Variants in FNDC3B observed in about 807,000 individuals in gnomAD.
FNDC3B encodes the protein fibronectin type III domain-containing protein 3B.
FNDC3B carries 12 observed loss-of-function variants against 151.5 expected under a neutral mutation model. That is an observed-to-expected ratio of 0.08 (90% confidence interval 0.05 to 0.13). The LOEUF is 0.13. Ranked by LOEUF, FNDC3B falls within the 10% of genes least tolerant of loss-of-function variation. The pLI is 1.00. For missense variants in FNDC3B, 1,214 were observed against 1,505.3 expected (o/e 0.81, Z 3.20); for synonymous variants, 528 against 549.0 (o/e 0.96, Z 0.54).
intron 1 of FNDC3B, among the ~76,000 whole-genome samples, chr3:172,111,096 TAA>T (rs1240844592): frequency 4.5e-4 from 47 of 104,704 alleles, no homozygotes; most frequent in Admixed American, 8.3e-4. Flanking sequence ...GAGACTCCAT[TAA>T]AAAAAAAAAA....
At chr3:172,205,780 A>G (rs193257547) in intron 3 of FNDC3B, among the ~76,000 whole-genome samples, 66 of 152,344 alleles carry the variant, frequency 4.3e-4, no homozygotes, top group Admixed American at 3.5e-3. Context: ...CTGTAGGTAA[A>G]GAAGTTTGCT....
At chr3:172,177,496 T>C (rs1015559003) in intron 3 of FNDC3B, among the ~76,000 whole-genome samples, 1 of 152,198 alleles carries the variant, frequency 6.6e-6, no homozygotes, top group African/African-American at 2.4e-5. Flanking sequence ...GAAGGGATTC[T>C]CAAACATCTG....
intron 3 of FNDC3B, among the ~76,000 whole-genome samples, chr3:172,217,299 A>G (rs150902418): frequency 0.014 from 2,089 of 152,344 alleles, 20 homozygotes; most frequent in Non-Finnish European, 0.022. Context: ...GCATTTCTGT[A>G]GCCCTGAATT....
At chr3:172,060,502 AT>A (rs1309743886) in intron 1 of FNDC3B, among the ~76,000 whole-genome samples, 2 of 152,234 alleles carry the variant, frequency 1.3e-5, no homozygotes, top group East Asian at 3.8e-4. Context: ...GACCTAGAAG[AT>A]TGTAGGAACA....
intron 3 of FNDC3B, among the ~76,000 whole-genome samples, chr3:172,212,477 G>C (rs1013556705): frequency 2.6e-5 from 4 of 152,206 alleles, no homozygotes; most frequent in Non-Finnish European, 4.4e-5. Context: ...AAGTTGGGCT[G>C]CTTGTGGGGA....
intron 3 of FNDC3B, among the ~76,000 whole-genome samples, chr3:172,215,090 A>G (rs1226442175): frequency 6.6e-6 from 1 of 152,278 alleles, no homozygotes; most frequent in East Asian, 1.9e-4. Flanking sequence ...GAGGAGTACA[A>G]TGACATTTTG....
intron 3 of FNDC3B, among the ~76,000 whole-genome samples, chr3:172,201,268 G>T: frequency 6.6e-6 from 1 of 152,142 alleles, no homozygotes; most frequent in Non-Finnish European, 1.5e-5. Context: ...GCCCCAGTGG[G>T]GGAAGCGCAG....
chr3:172,393,985 G>T (rs1736144572), intron 25 of FNDC3B, among the ~76,000 whole-genome samples: 1 of 151,386 alleles, frequency 6.6e-6, no homozygotes. Context: ...ACGGGTGCCT[G>T]TAGTCCCAGG....
At chr3:172,089,925 GA>G (rs1718727204) in intron 1 of FNDC3B, among the ~76,000 whole-genome samples, 1 of 152,124 alleles carries the variant, frequency 6.6e-6, no homozygotes, top group African/African-American at 2.4e-5. Flanking sequence ...TGACAAATAT[GA>G]TTTCGACATA....
At chr3:172,085,724 A>C (rs1718520123) in intron 1 of FNDC3B, among the ~76,000 whole-genome samples, 1 of 152,208 alleles carries the variant, frequency 6.6e-6, no homozygotes. Context: ...TGCTGATGGT[A>C]TGCAGAAGAG....
intron 6 of FNDC3B, among the ~76,000 whole-genome samples, chr3:172,260,915 C>T (rs1728614815): frequency 6.6e-6 from 1 of 152,194 alleles, no homozygotes; most frequent in Non-Finnish European, 1.5e-5. Context: ...ATTAACCACT[C>T]TAAGTTACTT....
At chr3:172,088,243 A>G (rs533632165) in intron 1 of FNDC3B, among the ~76,000 whole-genome samples, 1 of 152,258 alleles carries the variant, frequency 6.6e-6, no homozygotes, top group Non-Finnish European at 1.5e-5. Flanking sequence ...TAAATTAGCA[A>G]AACCGCTGTA....
chr3:172,369,644 G>A, intron 23 of FNDC3B, among the ~76,000 whole-genome samples: 1 of 152,080 alleles, frequency 6.6e-6, no homozygotes, highest in East Asian at 1.9e-4. Flanking sequence ...GGGACAGAGG[G>A]TTAGGAAATT....
At position 172,251,245 on chromosome 3, in the gene FNDC3B, A is replaced by C; in HGVS notation, c.509-15A>C. The C allele has an allele frequency of 2.5e-6, 4 of 1,587,636 alleles. No homozygotes were observed. The highest frequency in any genetic ancestry group is 3.5e-6 in the Non-Finnish European group (4 of 1,159,020). ...TGTAAACTGAGTTTGGGTTTATCAT[A>C]ATCATCCATTTTAGAAATTATACCA... On this transcript the variant is annotated splice_polypyrimidine_tract_variant and intron_variant, in intron 5 of 25. Coordinates refer to ENST00000415807, the MANE Select transcript of FNDC3B (RefSeq NM_022763.4).
At chr3:172,342,317 G>T (rs568838362) in intron 17 of FNDC3B, among the ~76,000 whole-genome samples, 1 of 152,192 alleles carries the variant, frequency 6.6e-6, no homozygotes, top group African/African-American at 2.4e-5. Flanking sequence ...ATTATCAGTG[G>T]TCCTTCCTAT....
intron 3 of FNDC3B, among the ~76,000 whole-genome samples, chr3:172,206,037 T>C (rs1195471357): frequency 6.6e-6 from 1 of 152,226 alleles, no homozygotes; most frequent in Non-Finnish European, 1.5e-5. Context: ...TTCTTTATGA[T>C]GATGGATTGA....
rs1725988666 is a variant in FNDC3B at position 172,216,628 on chromosome 3, A to T, written c.188-10243A>T. On this transcript the variant is annotated intron_variant, in intron 3 of 25. Coordinates refer to ENST00000415807, the MANE Select transcript of FNDC3B (RefSeq NM_022763.4). The stretch of plus-strand genomic sequence containing the variant: ...GTTGAGGCTGCGTTGAGCTGTGATC[A>T]TGCCATTGCACTGCAGCCTGGATGG... 2.0e-5 allele frequency among the ~76,000 whole-genome samples: 3 copies of T among 152,240 alleles called. No homozygotes were observed. In the South Asian group the frequency reaches 6.2e-4, roughly 31 times the overall value.
intron 3 of FNDC3B, among the ~76,000 whole-genome samples, chr3:172,174,386 C>T (rs1032760065): frequency 6.6e-6 from 1 of 152,186 alleles, no homozygotes; most frequent in Non-Finnish European, 1.5e-5. Flanking sequence ...AGAAGTCTGA[C>T]ATACACACTA....
At chr3:172,053,347 G>A (rs57632612) in intron 1 of FNDC3B, among the ~76,000 whole-genome samples, 1 of 152,058 alleles carries the variant, frequency 6.6e-6, no homozygotes, top group Non-Finnish European at 1.5e-5. Context: ...ACTGCTTCTC[G>A]ATAGTTCAAG....
Sources: gnomAD v4.1 joint callset for allele counts (sites outside exome capture counted in the v4.1 genomes callset) on GRCh38, gnomAD v4.1.1 for gene constraint, MANE v1.5 for transcripts, NCBI Gene and HGNC (gene_info 2026-07-23, HGNC 2026-07-21) for gene names.